GABRG3: variants seen among roughly 807,000 people sequenced by gnomAD.
The protein encoded by GABRG3 is gamma-aminobutyric acid receptor subunit gamma-3.
Under a neutral mutation model 48.8 loss-of-function variants are expected in GABRG3, and 25 were observed. That is an observed-to-expected ratio of 0.51 (90% CI 0.37 to 0.72). The LOEUF is 0.72. GABRG3 is among the 30% of genes least tolerant of loss of function. The pLI is 0.00. For synonymous variants in GABRG3, 227 were observed against 217.6 expected, an observed-to-expected ratio of 1.04 and a Z score of -0.38; for missense variants, 394 against 577.9, an observed-to-expected ratio of 0.68 and a Z score of 3.26.
intron 5 of GABRG3, among the ~76,000 whole-genome samples, chr15:27,404,649 G>A (rs1403820830): frequency 6.6e-6 from 1 of 152,088 alleles, no homozygotes; most frequent in Non-Finnish European, 1.5e-5. Flanking sequence ...TTCTCTACTT[G>A]GGGCACCCAC....
At position 27,319,019 on chromosome 15, in the gene GABRG3, A is replaced by G. The variant is rs187791971; in HGVS notation, c.271-7790A>G. Among the ~76,000 whole-genome samples the G allele has an allele frequency of 2.0e-5, 3 of 152,334 alleles. No individual in the cohort carries two copies. Among genetic ancestry groups the G allele is most frequent in the East Asian group, 3.9e-4 (2 of 5,184 alleles). On this transcript the variant is annotated intron_variant, in intron 3 of 9. Transcript: ENST00000615808. This position sits in a 1 kb window ranked among gnomAD's most constrained non-coding sequence, Gnocchi z 4.4. ...ACTTGAAATCTGCTAACAATATTGT[A>G]TACTTGTAACTGGCTAAGAGGGTAG...
intron 5 of GABRG3, among the ~76,000 whole-genome samples, chr15:27,478,313 T>G (rs1890009658): frequency 6.6e-6 from 1 of 151,916 alleles, no homozygotes; most frequent in African/African-American, 2.4e-5. Context: ...CTCAACAATA[T>G]AAAAACAACC....
chr15:27,052,392 C>T (rs1661572527), intron 3 of GABRG3, among the ~76,000 whole-genome samples: 1 of 152,144 alleles, frequency 6.6e-6, no homozygotes, highest in African/African-American at 2.4e-5. Context: ...GGGGCCTCGG[C>T]GTGTGGCACA....
chr15:27,243,208 G>A (rs976699209), intron 3 of GABRG3, among the ~76,000 whole-genome samples: 1 of 152,188 alleles, frequency 6.6e-6, no homozygotes, highest in Non-Finnish European at 1.5e-5. Context: ...TGCTAGGTAA[G>A]AGGCAGGGTG....
intron 2 of GABRG3, among the ~76,000 whole-genome samples, chr15:27,015,207 T>A (rs1335445305): frequency 3.3e-5 from 5 of 152,168 alleles, no homozygotes; most frequent in African/African-American, 9.6e-5. Flanking sequence ...TTGATCTTTT[T>A]AAAATCCATT....
intron 5 of GABRG3, among the ~76,000 whole-genome samples, chr15:27,440,741 G>T (rs898922197): frequency 2.0e-5 from 3 of 152,104 alleles, no homozygotes; most frequent in African/African-American, 7.2e-5. Context: ...TCATTATTTT[G>T]TCCAAGGCAA....
At chr15:27,466,590 G>A (rs764722607) in intron 5 of GABRG3, among the ~76,000 whole-genome samples, 12 of 152,092 alleles carry the variant, frequency 7.9e-5, no homozygotes, top group Non-Finnish European at 1.2e-4. Flanking sequence ...GCAACAGACC[G>A]GGAAGCTACC....
At chr15:27,203,221 A>G (rs1336294372) in intron 3 of GABRG3, among the ~76,000 whole-genome samples, 1 of 152,086 alleles carries the variant, frequency 6.6e-6, no homozygotes, top group African/African-American at 2.4e-5. Context: ...AGTAAGCCCC[A>G]GTGTATATTG....
At chr15:27,199,482 T>G (rs561108171) in intron 3 of GABRG3, among the ~76,000 whole-genome samples, 37 of 152,274 alleles carry the variant, frequency 2.4e-4, no homozygotes, top group Admixed American at 9.8e-4. Flanking sequence ...ATGCTGAATG[T>G]GATCGCCAGG....
At chr15:27,062,119 A>T (rs1896657293) in intron 3 of GABRG3, among the ~76,000 whole-genome samples, 1 of 152,080 alleles carries the variant, frequency 6.6e-6, no homozygotes, top group African/African-American at 2.4e-5. Flanking sequence ...GTCCCATGAG[A>T]GTGCCTGTGA....
intron 6 of GABRG3, among the ~76,000 whole-genome samples, chr15:27,512,735 A>C (rs1191704945): frequency 6.6e-6 from 1 of 152,226 alleles, no homozygotes; most frequent in Non-Finnish European, 1.5e-5. Context: ...CAGGGCTCAG[A>C]TACACTGCTC....
intron 3 of GABRG3, among the ~76,000 whole-genome samples, chr15:27,198,524 A>G (rs1028591396): frequency 2.6e-5 from 4 of 152,204 alleles, no homozygotes; most frequent in African/African-American, 9.6e-5. Context: ...GTGGAGAAAT[A>G]GGAATGCTTT....
At chr15:27,484,267 A>G (rs1890168442) in intron 6 of GABRG3, among the ~76,000 whole-genome samples, 1 of 152,030 alleles carries the variant, frequency 6.6e-6, no homozygotes, top group African/African-American at 2.4e-5. Flanking sequence ...TCTTCTATAT[A>G]TCTATATCTA....
intron 7 of GABRG3, among the ~76,000 whole-genome samples, chr15:27,524,960 G>A (rs544146597): frequency 6.6e-6 from 1 of 152,204 alleles, no homozygotes; most frequent in South Asian, 2.1e-4. Context: ...CAACTACAAT[G>A]TGTCTCCAAG....
At chr15:27,135,304 A>G (rs1221272466) in intron 3 of GABRG3, among the ~76,000 whole-genome samples, 3 of 152,322 alleles carry the variant, frequency 2.0e-5, no homozygotes, top group South Asian at 2.1e-4. Context: ...AGCTTTGAGA[A>G]TAAGAGCCAG....
chr15:27,189,395 T>C (rs1383362052), intron 3 of GABRG3, among the ~76,000 whole-genome samples: 4 of 152,216 alleles, frequency 2.6e-5, no homozygotes, highest in Admixed American at 2.0e-4. Context: ...GTATCCTCTT[T>C]TATTTCATTG....
At chr15:27,059,467 C>G (rs748996888) in intron 3 of GABRG3, among the ~76,000 whole-genome samples, 5 of 152,192 alleles carry the variant, frequency 3.3e-5, no homozygotes, top group African/African-American at 1.2e-4. Context: ...GCTATAATTT[C>G]AAAGTTTCTA....
intron 3 of GABRG3, among the ~76,000 whole-genome samples, chr15:27,105,854 G>A (rs1897440564): frequency 6.6e-6 from 1 of 152,048 alleles, no homozygotes; most frequent in South Asian, 2.1e-4. Flanking sequence ...ATCCACAATA[G>A]CCAAGATATG....
At chr15:27,200,986 C>T (rs1262199641) in intron 3 of GABRG3, among the ~76,000 whole-genome samples, 1 of 152,110 alleles carries the variant, frequency 6.6e-6, no homozygotes, top group Non-Finnish European at 1.5e-5. Flanking sequence ...ATTCTGTGTA[C>T]AGATACTCAG....
Sources: allele counts gnomAD v4.1 joint callset (sites outside exome capture counted in the v4.1 genomes callset), GRCh38; gene constraint gnomAD v4.1.1; non-coding constraint Gnocchi (gnomAD v3.1); transcripts MANE v1.5; gene names NCBI Gene and HGNC (gene_info 2026-07-23, HGNC 2026-07-21).